PTPRQ: variants seen among roughly 807,000 people sequenced by gnomAD.
PTPRQ encodes protein tyrosine phosphatase receptor type Q, also known as phosphatidylinositol phosphatase PTPRQ.
A neutral mutation model predicts 246.0 loss-of-function variants in PTPRQ; 199 were observed. That is an observed-to-expected ratio of 0.81 (90% CI 0.72 to 0.91). The LOEUF is 0.91. Among genes scored for constraint, PTPRQ ranks in the 40% least tolerant of loss-of-function variants. PTPRQ has a pLI of 0.00. For missense variants in PTPRQ, 2,624 were observed against 2,528.4 expected, an observed-to-expected ratio of 1.04 and a Z score of -0.81; for synonymous variants, 869 against 853.2, an observed-to-expected ratio of 1.02 and a Z score of -0.32.
intron 23 of PTPRQ, among the ~76,000 whole-genome samples, chr12:80,544,617 T>C (rs1896250378): frequency 6.6e-6 from 1 of 152,092 alleles, no homozygotes; most frequent in Non-Finnish European, 1.5e-5. Context: ...CTTATTTGCT[T>C]TCAAATTCCT....
At chr12:80,539,655 C>A in intron 19 of PTPRQ, 121 bp from the exon 20 acceptor site, 1 of 834,010 alleles carries the variant, frequency 1.2e-6, no homozygotes, top group Non-Finnish European at 1.7e-6. Context: ...GTCGATTTTC[C>A]TAAAACAACA....
At chr12:80,589,580 G>A (rs1437964544) in intron 26 of PTPRQ, among the ~76,000 whole-genome samples, 1 of 152,144 alleles carries the variant, frequency 6.6e-6, no homozygotes, top group Non-Finnish European at 1.5e-5. Context: ...TTGATCTAGA[G>A]GGCTTTATTT....
rs922180218 is a variant in PTPRQ, at chr12:80,620,015, G to T, written c.5390-139G>T. On this transcript the variant is annotated intron_variant, in intron 31 of 44. Transcript: ENST00000644991. ...AAGAACAGGGTTACCTGCCTATACA[G>T]GTGGATCACTTGAATTATCTCTGGT... is the stretch of plus-strand genomic sequence containing the variant. 2.7e-6 allele frequency: 3 copies of T among 1,101,038 alleles called. No individual in the cohort carries two copies. In the African/African-American group the frequency reaches 4.8e-5, roughly 18 times the overall value. The allele number at this position is 1,101,038 out of a possible 1,614,324, so 68.2% of individuals were successfully genotyped here.
chr12:80,467,973 G>C (rs752683435), intron 6 of PTPRQ, among the ~76,000 whole-genome samples: 2 of 151,990 alleles, frequency 1.3e-5, no homozygotes, highest in South Asian at 2.1e-4. Flanking sequence ...TAACCTGCAC[G>C]TTGTGCACAT....
In PTPRQ at chr12:80,506,650, G is replaced by A; in HGVS notation, c.2537G>A (p.Ser846Asn). ...KGEGVRSAPI[S>N]ILTEEDAPDS... ...GAAGGAGTTCGGAGTGCTCCCATAA[G>A]TATACTGACGGAGGAAGATGGTAAA... The change falls in exon 16 of 45, where the codon AGT becomes AAT. Residue 846 changes from serine to asparagine, a missense_variant. Coordinates refer to ENST00000644991, the MANE Select transcript of PTPRQ (RefSeq NM_001145026.2). 1 of 1,542,436 alleles carries A rather than the reference G, an allele frequency of 6.5e-7. No individual in the cohort carries two copies. The highest frequency in any genetic ancestry group is 8.8e-7 in the Non-Finnish European group (1 of 1,141,138).
At chr12:80,506,236 T>C (rs1466342456) in intron 15 of PTPRQ, 30 bp downstream of exon 15, 1 of 1,442,034 alleles carries the variant, frequency 6.9e-7, no homozygotes, top group Non-Finnish European at 9.2e-7. Flanking sequence ...ATTGGATATT[T>C]GCATTTATAA....
intron 6 of PTPRQ, among the ~76,000 whole-genome samples, chr12:80,468,421 C>T (rs1313747995): frequency 1.3e-5 from 2 of 151,982 alleles, no homozygotes; most frequent in East Asian, 1.9e-4. Flanking sequence ...GTAACATTGG[C>T]AATAAATGTA....
intron 25 of PTPRQ, among the ~76,000 whole-genome samples, chr12:80,556,979 A>G (rs978144988): frequency 6.6e-6 from 1 of 152,172 alleles, no homozygotes; most frequent in African/African-American, 2.4e-5. Context: ...AGAAGTTTGA[A>G]TCTGTTATAA....
chr12:80,527,026 G>T (rs1455949066), intron 17 of PTPRQ, among the ~76,000 whole-genome samples: 3 of 151,932 alleles, frequency 2.0e-5, no homozygotes, highest in African/African-American at 7.2e-5. Context: ...ATATTTTAAA[G>T]CTTGCTATAC....
chr12:80,631,790 T>C (rs1213622019), intron 33 of PTPRQ, among the ~76,000 whole-genome samples: 2 of 152,194 alleles, frequency 1.3e-5, no homozygotes, highest in African/African-American at 4.8e-5. Flanking sequence ...GGTGGGAGGA[T>C]ACAGTTGAAA....
intron 26 of PTPRQ, among the ~76,000 whole-genome samples, chr12:80,596,110 T>C (rs1353170584): frequency 2.0e-5 from 3 of 151,966 alleles, no homozygotes; most frequent in African/African-American, 7.2e-5. Flanking sequence ...TTATAATAGA[T>C]TGATGGTCCA....
At chr12:80,470,485 C>A (rs191609446) in intron 7 of PTPRQ, among the ~76,000 whole-genome samples, 28 of 152,228 alleles carry the variant, frequency 1.8e-4, no homozygotes, top group Admixed American at 7.2e-4. Flanking sequence ...GTAAAATAAT[C>A]TTCTAGAAGA....
At chr12:80,663,273 A>G (rs1900687233) in intron 39 of PTPRQ, among the ~76,000 whole-genome samples, 1 of 151,994 alleles carries the variant, frequency 6.6e-6, no homozygotes, top group Non-Finnish European at 1.5e-5. Flanking sequence ...ATATATGTGT[A>G]TGTATATAAA....
chr12:80,582,971 C>T (rs1374343594), intron 25 of PTPRQ, among the ~76,000 whole-genome samples: 1 of 152,194 alleles, frequency 6.6e-6, no homozygotes, highest in African/African-American at 2.4e-5. Flanking sequence ...TAATGTGATT[C>T]CACTTACATT....
At chr12:80,550,611 A>G (rs535649362) in intron 25 of PTPRQ, among the ~76,000 whole-genome samples, 1 of 152,156 alleles carries the variant, frequency 6.6e-6, no homozygotes, top group South Asian at 2.1e-4. Context: ...ATCTCATACC[A>G]TGTCATTGTG....
At chr12:80,557,301 G>C (rs960819784) in intron 25 of PTPRQ, among the ~76,000 whole-genome samples, 1 of 151,806 alleles carries the variant, frequency 6.6e-6, no homozygotes, top group African/African-American at 2.4e-5. Flanking sequence ...CTCCCAGCTA[G>C]AATTTTCCAT....
At chr12:80,548,841 T>C (rs1896384603) in intron 24 of PTPRQ, among the ~76,000 whole-genome samples, 1 of 152,082 alleles carries the variant, frequency 6.6e-6, no homozygotes, top group Admixed American at 6.6e-5. Context: ...CTACCAGATA[T>C]AGAGGACCTC....
In PTPRQ at chr12:80,463,046, G is replaced by T. The variant is rs1050516549; in HGVS notation, c.910+2144G>T. 7.2e-5 allele frequency among the ~76,000 whole-genome samples: 11 copies of T among 152,110 alleles called. 1 individual carries two copies. The highest frequency in any genetic ancestry group is 9.7e-5 in the African/African-American group (4 of 41,386). On this transcript the variant is annotated intron_variant, in intron 6 of 44. Coordinates refer to ENST00000644991, the MANE Select transcript of PTPRQ (RefSeq NM_001145026.2). The stretch of plus-strand genomic sequence containing the variant: ...GACTTTCACGAGTTGAGAGAAGAAG[G>T]CTTCGGACGATCAAACTACTCCGAG...
intron 16 of PTPRQ, 88 bp downstream of exon 16, chr12:80,506,758 C>T: frequency 1.7e-6 from 2 of 1,195,224 alleles, no homozygotes; most frequent in Non-Finnish European, 2.3e-6. Context: ...AAAAACTCCT[C>T]TAGTCATGGG....
Sources: gnomAD v4.1 joint callset for allele counts (sites outside exome capture counted in the v4.1 genomes callset) on GRCh38, gnomAD v4.1.1 for gene constraint, MANE v1.5 for transcripts, NCBI Gene and HGNC (gene_info 2026-07-23, HGNC 2026-07-21) for gene names.